RBFOX1: variants seen among roughly 807,000 people sequenced by gnomAD.
RBFOX1 encodes the protein RNA binding fox-1 homolog 1, also known as RNA binding protein fox-1 homolog 1.
Under a neutral mutation model 57.7 loss-of-function variants are expected in RBFOX1, and 8 were observed. The ratio of observed to expected loss-of-function variants is 0.14; its 90% CI spans 0.08 to 0.25. The LOEUF (loss-of-function observed/expected upper bound fraction) is 0.25, where lower values mean the gene tolerates loss of function less well. RBFOX1 is among the 10% of genes least tolerant of loss of function. RBFOX1 has a pLI of 1.00. For missense variants in RBFOX1, 611 were observed against 548.5 expected (o/e 1.11, Z -1.14); for synonymous variants, 326 against 222.4 (o/e 1.47, Z -4.15).
At chr16:7,293,773 T>C (rs1177174276) in intron 4 of RBFOX1, among the ~76,000 whole-genome samples, 1 of 152,076 alleles carries the variant, frequency 6.6e-6, no homozygotes, top group African/African-American at 2.4e-5. Flanking sequence ...ATAAACCTAG[T>C]TTCGTATGAT....
At chr16:6,913,672 G>C (rs1340023056) in intron 3 of RBFOX1, among the ~76,000 whole-genome samples, 1 of 152,160 alleles carries the variant, frequency 6.6e-6, no homozygotes. Context: ...AGAAGCCCTT[G>C]GTAGACCTGG....
intron 3 of RBFOX1, among the ~76,000 whole-genome samples, chr16:6,745,172 A>G (rs924283992): frequency 6.6e-6 from 1 of 152,146 alleles, no homozygotes; most frequent in African/African-American, 2.4e-5. Context: ...TATCAAATAA[A>G]TTAAATCTGG....
At chr16:5,828,390 T>A (rs559825692) in intron 3 of RBFOX1, among the ~76,000 whole-genome samples, 3 of 152,268 alleles carry the variant, frequency 2.0e-5, no homozygotes, top group Admixed American at 2.0e-4. Context: ...GTGAGTGACA[T>A]CTTAATCTAG....
chr16:6,499,059 T>C (rs2095849170), intron 2 of RBFOX1, among the ~76,000 whole-genome samples: 1 of 152,212 alleles, frequency 6.6e-6, no homozygotes, highest in Non-Finnish European at 1.5e-5. Context: ...ATGTCACCAG[T>C]TGGCTTCGCA....
intron 1 of RBFOX1, among the ~76,000 whole-genome samples, chr16:5,324,891 C>G (rs1002028558): frequency 1.3e-5 from 2 of 152,162 alleles, no homozygotes; most frequent in Middle Eastern, 6.3e-3. Context: ...TGGTACTACA[C>G]TGCCAAACCC....
intron 3 of RBFOX1, among the ~76,000 whole-genome samples, chr16:5,720,689 C>T (rs904421905): frequency 1.1e-4 from 16 of 152,210 alleles, no homozygotes; most frequent in Non-Finnish European, 2.2e-4. Context: ...AAAGATTATT[C>T]TCTTGCCCTT....
At chr16:6,077,703 T>G (rs911130387) in intron 1 of RBFOX1, among the ~76,000 whole-genome samples, 2 of 151,642 alleles carry the variant, frequency 1.3e-5, no homozygotes, top group African/African-American at 4.8e-5. Flanking sequence ...TTTATTTATT[T>G]ATTTATTCAT....
intron 4 of RBFOX1, among the ~76,000 whole-genome samples, chr16:5,954,386 G>A (rs1238846105): frequency 6.6e-6 from 1 of 151,800 alleles, no homozygotes; most frequent in Admixed American, 6.6e-5. Flanking sequence ...CTCTTCTTTC[G>A]CCACCACCGC....
intron 5 of RBFOX1, among the ~76,000 whole-genome samples, 163 bp downstream of exon 5, chr16:7,518,552 C>A (rs2076876626): frequency 6.6e-6 from 1 of 152,240 alleles, no homozygotes. Context: ...ACCTCATTTC[C>A]ATGCATTCAT....
chr16:6,579,062 T>A (rs1296576151), intron 2 of RBFOX1, among the ~76,000 whole-genome samples: 4 of 152,126 alleles, frequency 2.6e-5, no homozygotes, highest in South Asian at 2.1e-4. Flanking sequence ...AACAAATAAT[T>A]TTTGAAAATA....
intron 3 of RBFOX1, among the ~76,000 whole-genome samples, chr16:6,660,043 A>G (rs2098691299): frequency 6.6e-6 from 1 of 151,952 alleles, no homozygotes; most frequent in African/African-American, 2.4e-5. Context: ...TGGCCAACAT[A>G]GTGAAACATC....
intron 2 of RBFOX1, among the ~76,000 whole-genome samples, chr16:6,526,338 C>T (rs1256115390): frequency 2.0e-5 from 3 of 152,082 alleles, no homozygotes; most frequent in Non-Finnish European, 4.4e-5. Context: ...GGTGTTAATA[C>T]CAAGCACATC....
At chr16:7,358,853 G>A (rs1354445770) in intron 4 of RBFOX1, among the ~76,000 whole-genome samples, 4 of 152,182 alleles carry the variant, frequency 2.6e-5, no homozygotes, top group African/African-American at 4.8e-5. Context: ...TACATAATAC[G>A]AGAGAAGTAA....
At chr16:7,674,726 C>A (rs1479752382) in intron 13 of RBFOX1, among the ~76,000 whole-genome samples, 2 of 152,210 alleles carry the variant, frequency 1.3e-5, no homozygotes, top group African/African-American at 4.8e-5. Context: ...AGCGGAATCC[C>A]AGGTGTACAC....
chr16:7,361,542 G>A (rs1388139371), intron 4 of RBFOX1, among the ~76,000 whole-genome samples: 1 of 152,182 alleles, frequency 6.6e-6, no homozygotes, highest in African/African-American at 2.4e-5. Context: ...GTCCGAAGGT[G>A]GCAGGTGGCT....
intron 4 of RBFOX1, among the ~76,000 whole-genome samples, chr16:5,868,393 A>G (rs917447766): frequency 6.6e-6 from 1 of 152,188 alleles, no homozygotes; most frequent in African/African-American, 2.4e-5. Context: ...TCAGGCATAA[A>G]TGGGTTAACT....
In RBFOX1 at chr16:6,058,833, TATCCATCCATCCATCCATCC is replaced by T. The variant is rs35496154; in HGVS notation, c.-127+38871_-127+38890del. On this transcript the variant is annotated intron_variant, in intron 1 of 15. Transcript: ENST00000550418. ...CCACCCACTTACCCACTCATTTATTTATCCATCCATCCATCCATCCATCCATCCATCCATCCATCCATCCA... is the reference window on the plus strand; with the variant it reads ...CCACCCACTTACCCACTCATTTATTTATCCATCCATCCATCCATCCATCCA... Among the ~76,000 whole-genome samples, 14 of 134,410 alleles carry T rather than the reference TATCCATCCATCCATCCATCC, an allele frequency of 1.0e-4. 1 individual carries two copies. Among genetic ancestry groups the T allele is most frequent in the Non-Finnish European group, 8.4e-5 (5 of 59,382 alleles). 88.2% of individuals were successfully genotyped at this position (134,410 alleles called of 152,430 possible). A position where few individuals can be genotyped will look rare whatever the true frequency, so the allele number is the denominator to read the frequency against.
chr16:7,245,053 G>T (rs561047008), intron 4 of RBFOX1, among the ~76,000 whole-genome samples: 32 of 152,118 alleles, frequency 2.1e-4, no homozygotes, highest in Admixed American at 5.2e-4. Flanking sequence ...CAGACTTTCT[G>T]ATTGTTTACC....
chr16:7,361,938 G>T (rs1258501001), intron 4 of RBFOX1, among the ~76,000 whole-genome samples: 1 of 150,922 alleles, frequency 6.6e-6, no homozygotes, highest in East Asian at 2.0e-4. Context: ...TAGTGTGTAT[G>T]TGTGTGCATG....
Sources: gnomAD v4.1 joint callset for allele counts (sites outside exome capture counted in the v4.1 genomes callset) on GRCh38, gnomAD v4.1.1 for gene constraint, MANE v1.5 for transcripts, NCBI Gene and HGNC (gene_info 2026-07-23, HGNC 2026-07-21) for gene names.